Variants in ACOX3 observed in about 807,000 individuals in gnomAD.
ACOX3 encodes acyl-CoA oxidase 3, pristanoyl.
ACOX3 carries 73 observed loss-of-function variants against 81.5 expected under a neutral mutation model. The observed-to-expected ratio is 0.90, with a 90% CI of 0.74 to 1.09. ACOX3 has a LOEUF of 1.09. ACOX3 is among the 50% of genes least tolerant of loss of function. The probability of loss-of-function intolerance (pLI) is 0.00; values close to 1 mark genes in which losing one functional copy is unlikely to be tolerated. For missense variants in ACOX3, 947 were observed against 928.0 expected, an observed-to-expected ratio of 1.02 and a Z score of -0.27; for synonymous variants, 387 against 375.1, an observed-to-expected ratio of 1.03 and a Z score of -0.37.
chr4:8,413,524 C>G (rs1722007384), intron 5 of ACOX3, among the ~76,000 whole-genome samples: 1 of 137,248 alleles, frequency 7.3e-6, no homozygotes, highest in African/African-American at 2.8e-5. Context: ...TGCACCCCTC[C>G]ATGCACTGAC....
chr4:8,410,848 C>A (rs964110018), intron 5 of ACOX3, among the ~76,000 whole-genome samples: 2 of 152,230 alleles, frequency 1.3e-5, no homozygotes, highest in African/African-American at 4.8e-5. Context: ...ATCCCAAATG[C>A]CCCGAGCACA....
At position 8,410,277 on chromosome 4, in the gene ACOX3, C is replaced by T. The variant is rs1721576032; in HGVS notation, c.622G>A (p.Val208Met). The T allele has an allele frequency of 1.2e-6, 2 of 1,614,028 alleles. No individual in the cohort carries two copies. Among genetic ancestry groups the T allele is most frequent in the African/African-American group, 1.3e-5 (1 of 74,924 alleles). ...GNMGKTATHA[V>M]VFAKLCVPGD... The stretch of plus-strand genomic sequence containing the variant: ...GGCACACACAGCTTAGCAAACACCA[C>T]CGCGTGAGTGGCTGTCTTGCCCATG... The change falls in exon 6 of 18, where the codon GTG becomes ATG. Residue 208 changes from valine (V) to methionine (M), a missense_variant. By Grantham distance (21) the Val-to-Met change is conservative (BLOSUM62 1). Transcript: ENST00000356406.
intron 14 of ACOX3, among the ~76,000 whole-genome samples, chr4:8,377,899 T>C (rs1310416744): frequency 3.3e-5 from 5 of 151,436 alleles, no homozygotes; most frequent in South Asian, 2.1e-4. Context: ...CAGCCGAGAG[T>C]GCTCACGGCA....
intron 5 of ACOX3, among the ~76,000 whole-genome samples, chr4:8,412,499 AATGG>A (rs1419645165): frequency 1.3e-5 from 2 of 152,142 alleles, no homozygotes; most frequent in African/African-American, 4.8e-5. Flanking sequence ...TGAGAGAATG[AATGG>A]ATGGATGGAA....
the ACOX3 span, chr4:8,357,866 A>C: frequency 6.3e-6 from 1 of 158,064 alleles, no homozygotes; most frequent in Non-Finnish European, 1.4e-5. Flanking sequence ...TAAAATTCTA[A>C]GTCCCCCAGC....
At chr4:8,362,574 A>G (rs1331855016), downstream of ACOX3, among the ~76,000 whole-genome samples, 3 of 152,368 alleles carry the variant, frequency 2.0e-5, no homozygotes, top group African/African-American at 7.2e-5. Flanking sequence ...TTTAACTGGA[A>G]TGGGATGCTT....
At position 8,416,256 on chromosome 4, in the gene ACOX3, C is replaced by G; in HGVS notation, c.144+122G>C. ...TGGGGTGCAGAGAGGAGAGAGGCCG[C>G]GCTGCCTGGGATGAGCCTCGCCCGG... is the stretch of plus-strand genomic sequence containing the variant. On this transcript the variant is annotated intron_variant, in intron 2 of 17. Transcript: ENST00000356406. The surrounding 1 kb of genome is among the most constrained non-coding windows in gnomAD (Gnocchi z 4.2). 2.6e-6 allele frequency: 4 copies of G among 1,536,696 alleles called. No individual in the cohort carries two copies. In the East Asian group the frequency reaches 9.0e-5, roughly 35 times the overall value.
intron 8 of ACOX3, among the ~76,000 whole-genome samples, chr4:8,398,172 T>C (rs1719932259): frequency 6.6e-6 from 1 of 152,100 alleles, no homozygotes. Context: ...CCTCAAAAAA[T>C]ATATATAAAT....
In ACOX3 at chr4:8,367,002, C is replaced by T; in HGVS notation, c.2062G>A (p.Val688Met). Residue 688 changes from valine (V) to methionine (M), a missense_variant, in exon 18 of 18, where the codon GTG becomes ATG. Physicochemically the swap from Val to Met is conservative, Grantham distance 21. Transcript: ENST00000356406. ...ERASWWPEFS[V>M]NKPVIGSLKS... ...AGACTTCCTATGACAGGTTTGTTCA[C>T]AGAAAACTCTGGCCACCAGGATGCC... 4 of 1,614,136 alleles carry T rather than the reference C, an allele frequency of 2.5e-6. No individual in the cohort carries two copies. Among genetic ancestry groups the T allele is most frequent in the Non-Finnish European group, 3.4e-6 (4 of 1,180,012 alleles).
chr4:8,376,813 T>A (rs1717026327), intron 14 of ACOX3, among the ~76,000 whole-genome samples: 1 of 151,848 alleles, frequency 6.6e-6, no homozygotes, highest in African/African-American at 2.4e-5. Context: ...GGTGGCAGGA[T>A]CTGGACTTGC....
downstream of ACOX3, among the ~76,000 whole-genome samples, chr4:8,365,806 T>C (rs1009615214): frequency 2.6e-5 from 4 of 152,276 alleles, no homozygotes; most frequent in Admixed American, 2.6e-4. Context: ...AGAAGTGATT[T>C]CCAGTGCTGG....
At chr4:8,411,206 C>T (rs1022675403) in intron 5 of ACOX3, among the ~76,000 whole-genome samples, 4 of 152,220 alleles carry the variant, frequency 2.6e-5, no homozygotes, top group Admixed American at 6.5e-5. Flanking sequence ...CAGAGCTGCC[C>T]TGGGCCGCCT....
At chr4:8,402,262 G>A (rs952038438) in intron 7 of ACOX3, among the ~76,000 whole-genome samples, 3 of 152,178 alleles carry the variant, frequency 2.0e-5, no homozygotes, top group East Asian at 1.9e-4. Flanking sequence ...AAGAGCTCTC[G>A]GCTGCTTTGC....
chr4:8,396,486 G>A (rs1719701789), intron 9 of ACOX3, among the ~76,000 whole-genome samples: 1 of 152,050 alleles, frequency 6.6e-6, no homozygotes, highest in Non-Finnish European at 1.5e-5. Flanking sequence ...AGACCGGCCT[G>A]GCCAAAACAG....
At chr4:8,420,243 C>T (rs1185085194) in intron 1 of ACOX3, among the ~76,000 whole-genome samples, 1 of 152,216 alleles carries the variant, frequency 6.6e-6, no homozygotes, top group African/African-American at 2.4e-5. Flanking sequence ...CATTATGGTA[C>T]AACTGTTAGA....
chr4:8,413,159 C>T (rs1408673739), intron 5 of ACOX3, among the ~76,000 whole-genome samples: 3 of 66,982 alleles, frequency 4.5e-5, no homozygotes, highest in Non-Finnish European at 8.7e-5. Flanking sequence ...GACAGCCCCA[C>T]GGCATCCATC....
intron 7 of ACOX3, among the ~76,000 whole-genome samples, chr4:8,401,014 G>A (rs928749744): frequency 1.6e-4 from 24 of 151,760 alleles, no homozygotes; most frequent in African/African-American, 5.1e-4. Context: ...GGTGATGGGA[G>A]GCAGTGACAG....
intron 14 of ACOX3, among the ~76,000 whole-genome samples, chr4:8,380,145 C>T (rs1246757931): frequency 6.6e-6 from 1 of 151,520 alleles, no homozygotes; most frequent in Admixed American, 6.6e-5. Flanking sequence ...CCCTGGCCAC[C>T]TGCTGACTTC....
Position 8,389,629 on chromosome 4 carries a change from A to G in ACOX3, c.1406T>C (p.Leu469Pro). The G allele has an allele frequency of 6.2e-7, 1 of 1,613,986 alleles. No individual in the cohort carries two copies. The highest frequency in any genetic ancestry group is 8.5e-7 in the Non-Finnish European group (1 of 1,180,022). Residue 469 changes from leucine to proline, a missense_variant, in exon 12 of 18, where the codon CTG (leucine) becomes CCG (proline). Physicochemically the swap from Leu to Pro is moderately conservative, Grantham distance 98. Coordinates refer to ENST00000356406, the MANE Select transcript of ACOX3 (RefSeq NM_003501.3). The surrounding 1 kb of genome is among the most constrained non-coding windows in gnomAD (Gnocchi z 5.3). ...QQTSNYLLGL[L>P]AHQVHDGACF... ...AGCCTCACCGTGGACCTGGTGTGCC[A>G]GGAGACCCAGCAAATAGTTGCTTGT...
Sources: gnomAD v4.1 joint callset for allele counts (sites outside exome capture counted in the v4.1 genomes callset) on GRCh38, gnomAD v4.1.1 for gene constraint, Gnocchi (gnomAD v3.1) non-coding constraint, MANE v1.5 for transcripts, NCBI Gene and HGNC (gene_info 2026-07-23, HGNC 2026-07-21) for gene names.